ARL13B: variants seen among roughly 807,000 people sequenced by gnomAD.
ARL13B encodes ARF like GTPase 13B.
ARL13B carries 36 observed loss-of-function variants against 56.1 expected under a neutral mutation model. That is an observed-to-expected ratio of 0.64 (90% CI 0.49 to 0.85). ARL13B has a LOEUF of 0.85. Among genes scored for constraint, ARL13B ranks in the 40% least tolerant of loss-of-function variants. The pLI, the probability that ARL13B is intolerant of heterozygous loss-of-function variation, is 0.00. For synonymous variants in ARL13B, 178 were observed against 171.1 expected (o/e 1.04, Z -0.32); for missense variants, 519 against 507.1 (o/e 1.02, Z -0.23).
chr3:94,000,969 G>A (rs998217837), intron 2 of ARL13B, among the ~76,000 whole-genome samples: 2 of 152,148 alleles, frequency 1.3e-5, no homozygotes, highest in Admixed American at 6.5e-5. Context: ...GGATGTATGG[G>A]ACAGGAGCTT....
intron 7 of ARL13B, among the ~76,000 whole-genome samples, chr3:94,045,459 A>G (rs896031873): frequency 5.3e-5 from 8 of 151,724 alleles, no homozygotes; most frequent in South Asian, 2.1e-4. Context: ...AAAAAAAAAA[A>G]AAAGAAAGAA....
intron 8 of ARL13B, among the ~76,000 whole-genome samples, chr3:94,050,078 C>T (rs1427765738): frequency 2.0e-5 from 3 of 149,174 alleles, no homozygotes; most frequent in Non-Finnish European, 4.4e-5. Flanking sequence ...GCAGGAGAAT[C>T]GCTTGAACCT....
intron 1 of ARL13B, chr3:93,988,725 A>G: frequency 2.2e-6 from 1 of 446,214 alleles, no homozygotes; most frequent in Non-Finnish European, 4.5e-6. Context: ...AATCTTATTT[A>G]GTTTCTTGGT....
intron 1 of ARL13B, among the ~76,000 whole-genome samples, chr3:93,988,483 A>C (rs1262110500): frequency 1.3e-5 from 2 of 152,184 alleles, no homozygotes; most frequent in Admixed American, 6.5e-5. Context: ...CTCAGAAAAA[A>C]CTTAACAATG....
chr3:94,034,397 A>G (rs964385230), intron 3 of ARL13B, among the ~76,000 whole-genome samples: 1 of 152,050 alleles, frequency 6.6e-6, no homozygotes, highest in African/African-American at 2.4e-5. Context: ...AAACTTTTAA[A>G]TCTATGTTAT....
chr3:94,046,633 T>C (rs2076989379), intron 7 of ARL13B, among the ~76,000 whole-genome samples: 1 of 152,166 alleles, frequency 6.6e-6, no homozygotes, highest in Non-Finnish European at 1.5e-5. Flanking sequence ...AAACCTGATA[T>C]GAACATTCAT....
chr3:94,051,311 A>G (rs1330786712), intron 9 of ARL13B, among the ~76,000 whole-genome samples: 2 of 152,128 alleles, frequency 1.3e-5, no homozygotes, highest in Admixed American at 1.3e-4. Context: ...TACTCCTAAT[A>G]AGACAACCAG....
In ARL13B at chr3:93,981,886, A is replaced by AAG. The variant is rs1553824453; in HGVS notation, c.59+1405_59+1406insGA. 1.2e-3 allele frequency among the ~76,000 whole-genome samples: 173 copies of AAG among 147,258 alleles called. 2 individuals carry two copies. Among genetic ancestry groups the AAG allele is most frequent in the South Asian group, 5.3e-3 (24 of 4,556 alleles). On this transcript the variant is annotated intron_variant, in intron 1 of 9. Transcript: ENST00000394222. ...GTCTCAAAAAAAAAAAAAAAAAAAA[A>AAG]AAAGAAAAAAGTCAAAGAGTTGTTT...
Position 94,013,580 on chromosome 3 carries a change from G to T in ARL13B, c.380+9672G>T, listed in dbSNP as rs924673225. On this transcript the variant is annotated intron_variant, in intron 3 of 9. Transcript: ENST00000394222. ...AGATTCAGCTCCCAGTTACAAATTA[G>T]ATTCTTCAAGTACATAGTTGAGTTT... Among the ~76,000 whole-genome samples, 5 of 152,294 alleles carry T rather than the reference G, an allele frequency of 3.3e-5. No homozygotes were observed. In the South Asian group the frequency reaches 1.0e-3, roughly 32 times the overall value.
Position 94,039,875 on chromosome 3 carries a change from G to A in ARL13B, c.690-5G>A, listed in dbSNP as rs373173586. On this transcript the variant is annotated splice_region_variant and splice_polypyrimidine_tract_variant and intron_variant, in intron 5 of 9. Coordinates refer to ENST00000394222, the MANE Select transcript of ARL13B (RefSeq NM_001174150.2). Reference sequence around the variant, plus strand: ...AAATTTCAATTATTTTTCCTCAAACGATAGAAAACAAAATGAACAGGAGCA... The same window carrying A: ...AAATTTCAATTATTTTTCCTCAAACAATAGAAAACAAAATGAACAGGAGCA... The A allele has an allele frequency of 8.5e-5, 137 of 1,613,288 alleles. No individual in the cohort carries two copies. In the African/African-American group the frequency reaches 1.6e-3, roughly 19 times the overall value.
In ARL13B at chr3:94,053,337, C is replaced by T. The variant is rs2077096385; in HGVS notation, c.*74C>T. 7.4e-7 allele frequency: 1 copy of T among 1,348,818 alleles called. No individual in the cohort carries two copies. Among genetic ancestry groups the T allele is most frequent in the Non-Finnish European group, 1.1e-6 (1 of 945,160 alleles). 83.6% of individuals were successfully genotyped at this position (1,348,818 alleles called of 1,614,324 possible). A position where few individuals can be genotyped will look rare whatever the true frequency, so the allele number is the denominator to read the frequency against. On this transcript the variant is annotated 3_prime_UTR_variant, in exon 10 of 10. Transcript: ENST00000394222. ...CATTCTTCTTTCTCAGAAGAAGAAA[C>T]ATCTTGTAAATTGATGACTGGGGCA...
At chr3:94,044,765 G>T (rs1234723393) in intron 7 of ARL13B, among the ~76,000 whole-genome samples, 1 of 138,366 alleles carries the variant, frequency 7.2e-6, no homozygotes, top group Non-Finnish European at 1.5e-5. Context: ...CTGCCCGGCC[G>T]CCCCGAATGG....
At chr3:94,013,335 A>G (rs2076258895) in intron 3 of ARL13B, among the ~76,000 whole-genome samples, 1 of 152,172 alleles carries the variant, frequency 6.6e-6, no homozygotes, top group Admixed American at 6.5e-5. Context: ...TGCTTTCTCC[A>G]TTAGAATGTG....
intron 5 of ARL13B, among the ~76,000 whole-genome samples, chr3:94,037,483 T>C (rs2076789467): frequency 6.6e-6 from 1 of 152,154 alleles, no homozygotes; most frequent in Non-Finnish European, 1.5e-5. Context: ...TAAAGAAATA[T>C]TTATAGAAAT....
chr3:94,026,794 G>A (rs974255565), intron 3 of ARL13B, among the ~76,000 whole-genome samples: 1 of 152,058 alleles, frequency 6.6e-6, no homozygotes, highest in South Asian at 2.1e-4. Context: ...TGTTTAACTT[G>A]CAGCATTGCT....
chr3:94,015,646 T>C (rs1053739172), intron 3 of ARL13B, among the ~76,000 whole-genome samples: 3 of 152,140 alleles, frequency 2.0e-5, no homozygotes, highest in African/African-American at 7.2e-5. Flanking sequence ...ATGCCAAAAA[T>C]GCCCTTGTTA....
intron 1 of ARL13B, among the ~76,000 whole-genome samples, chr3:93,993,667 C>T (rs1575938408): frequency 6.6e-6 from 1 of 152,260 alleles, no homozygotes; most frequent in Admixed American, 6.5e-5. Context: ...TTATTTTGTA[C>T]TTAAATCTTG....
chr3:93,992,160 G>GTATTTTGATGTA (rs1384311324), intron 1 of ARL13B, among the ~76,000 whole-genome samples: 1 of 151,944 alleles, frequency 6.6e-6, no homozygotes, highest in African/African-American at 2.4e-5. Flanking sequence ...AAAATGCATA[G>GTATTTTGATGTA]TATATATGTA....
Position 93,980,556 on chromosome 3 carries a change from T to C in ARL13B, c.59+74T>C, listed in dbSNP as rs560903775. ...GCGCCCCAGGGGCGAGGCGCCGCCTTTTCCCCGCGCCTGGACGAGTCTATC... is the reference window on the plus strand; with the variant it reads ...GCGCCCCAGGGGCGAGGCGCCGCCTCTTCCCCGCGCCTGGACGAGTCTATC... On this transcript the variant is annotated intron_variant, in intron 1 of 9. Coordinates refer to ENST00000394222, the MANE Select transcript of ARL13B (RefSeq NM_001174150.2). The C allele has an allele frequency of 1.4e-4, 223 of 1,577,870 alleles. 1 individual carries two copies. The African/African-American group carries it at 2.8e-3, about 20-fold the overall frequency.
Sources: allele counts gnomAD v4.1 joint callset (sites outside exome capture counted in the v4.1 genomes callset), GRCh38; gene constraint gnomAD v4.1.1; transcripts MANE v1.5; gene names NCBI Gene and HGNC (gene_info 2026-07-23, HGNC 2026-07-21).